Variants in RSPH14 observed in about 807,000 individuals in gnomAD.
RSPH14 encodes the protein rhabdoid tumor deletion region gene 1.
Under a neutral mutation model 26.7 loss-of-function variants are expected in RSPH14, and 20 were observed. The ratio of observed to expected loss-of-function variants is 0.75; its 90% CI spans 0.53 to 1.09. The LOEUF (loss-of-function observed/expected upper bound fraction) is 1.09, where lower values mean the gene tolerates loss of function less well. Among genes scored for constraint, RSPH14 ranks in the 50% least tolerant of loss-of-function variants. The probability of loss-of-function intolerance (pLI) is 0.00; values close to 1 mark genes in which losing one functional copy is unlikely to be tolerated. For missense variants in RSPH14, 449 were observed against 457.2 expected, an observed-to-expected ratio of 0.98 and a Z score of 0.16; for synonymous variants, 177 against 189.3, an observed-to-expected ratio of 0.93 and a Z score of 0.53.
At chr22:23,177,834 T>C in the RSPH14 span, among the ~76,000 whole-genome samples, 2 of 152,346 alleles carry the variant, frequency 1.3e-5, no homozygotes, top group East Asian at 1.9e-4. Context: ...GGTCTTGCTC[T>C]GTTACCCAGG....
Position 23,131,726 on chromosome 22 carries a change from C to T in RSPH14, c.421+2300G>A, listed in dbSNP as rs143348780. ...AATTTAGCTCAACCCAGCACTGGTCCCCCATGGATCACCCTAATACCCCAG... is the reference window on the plus strand; with the variant it reads ...AATTTAGCTCAACCCAGCACTGGTCTCCCATGGATCACCCTAATACCCCAG... On this transcript the variant is annotated intron_variant, in intron 4 of 6. Coordinates refer to ENST00000216036, the MANE Select transcript of RSPH14 (RefSeq NM_014433.3). 4.4e-6 allele frequency: 4 copies of T among 917,090 alleles called. No individual in the cohort carries two copies. In the East Asian group the frequency reaches 2.5e-4, roughly 56 times the overall value. The allele number at this position is 917,090 out of a possible 1,614,324, so 56.8% of individuals were successfully genotyped here.
intron 4 of RSPH14, among the ~76,000 whole-genome samples, chr22:23,092,552 C>T (rs1172433933): frequency 6.6e-6 from 1 of 152,166 alleles, no homozygotes; most frequent in African/African-American, 2.4e-5. Context: ...CAGACTTGGC[C>T]CTGATGCATG....
At chr22:23,069,440 G>A (rs2068285684) in intron 4 of RSPH14, among the ~76,000 whole-genome samples, 3 of 152,186 alleles carry the variant, frequency 2.0e-5, no homozygotes, top group African/African-American at 7.2e-5. Flanking sequence ...TGGAACTGAG[G>A]GACTCCTGGC....
At chr22:23,105,403 A>G (rs932996817) in intron 4 of RSPH14, among the ~76,000 whole-genome samples, 23 of 152,188 alleles carry the variant, frequency 1.5e-4, no homozygotes, top group African/African-American at 5.1e-4. Context: ...CCCCACTGGG[A>G]TCTCTCCCCA....
At chr22:23,079,066 G>A (rs956047466) in intron 4 of RSPH14, among the ~76,000 whole-genome samples, 1 of 152,222 alleles carries the variant, frequency 6.6e-6, no homozygotes, top group South Asian at 2.1e-4. Context: ...GCACCTGCTT[G>A]GTGCTAGGTC....
At chr22:23,063,087 C>T (rs368018540) in intron 5 of RSPH14, among the ~76,000 whole-genome samples, 2 of 152,238 alleles carry the variant, frequency 1.3e-5, no homozygotes, top group East Asian at 1.9e-4. Context: ...AGAGAGAGAG[C>T]TCTCTCCTGG....
chr22:23,120,574 T>C (rs1420148117), intron 4 of RSPH14, among the ~76,000 whole-genome samples: 1 of 152,046 alleles, frequency 6.6e-6, no homozygotes, highest in Non-Finnish European at 1.5e-5. Flanking sequence ...CTAAGCTGGG[T>C]ATTAAAACCA....
At chr22:23,104,910 GA>G (rs2146342529) in intron 4 of RSPH14, among the ~76,000 whole-genome samples, 1 of 152,312 alleles carries the variant, frequency 6.6e-6, no homozygotes, top group African/African-American at 2.4e-5. Flanking sequence ...TCTCAGGGGG[GA>G]CACCCAGTGT....
chr22:23,100,145 T>C lies in RSPH14; in HGVS notation c.421+33881A>G, dbSNP rs73384377. Among the ~76,000 whole-genome samples, 804 of 152,038 alleles carry C rather than the reference T, an allele frequency of 5.3e-3. 9 individuals carry two copies. The highest frequency in any genetic ancestry group is 0.017 in the African/African-American group (720 of 41,454). ...GCTCAAGGCTCAGGCTGGGGCCAAG[T>C]ATGAGGGTGAGCACAACTCTCCCAG... On this transcript the variant is annotated intron_variant, in intron 4 of 6. Coordinates refer to ENST00000216036, the MANE Select transcript of RSPH14 (RefSeq NM_014433.3).
chr22:23,078,990 C>T (rs2068593240), intron 4 of RSPH14, among the ~76,000 whole-genome samples: 1 of 152,194 alleles, frequency 6.6e-6, no homozygotes, highest in Non-Finnish European at 1.5e-5. Context: ...CCCAACTATC[C>T]CCTCCGTGAG....
chr22:23,124,213 G>GTTT, intron 4 of RSPH14: 1 of 179,642 alleles, frequency 5.6e-6, no homozygotes, highest in Non-Finnish European at 1.2e-5. Flanking sequence ...TTTGTTTTTT[G>GTTT]GTTTTTTTTT....
chr22:23,145,307 G>A, upstream of RSPH14: 3 of 1,505,668 alleles, frequency 2.0e-6, no homozygotes, highest in South Asian at 2.3e-5. Flanking sequence ...GCTCTCCAGG[G>A]TGTCCAGGAG....
chr22:23,068,396 C>T (rs765078724), intron 4 of RSPH14, among the ~76,000 whole-genome samples: 25 of 152,252 alleles, frequency 1.6e-4, no homozygotes, highest in African/African-American at 6.0e-4. Context: ...CCCTGCCCTA[C>T]AGGCAGAGGG....
intron 4 of RSPH14, among the ~76,000 whole-genome samples, chr22:23,121,744 C>G (rs991013253): frequency 7.5e-6 from 1 of 134,010 alleles, no homozygotes; most frequent in Non-Finnish European, 1.6e-5. Flanking sequence ...TTTTTTGAGA[C>G]AGAGTCTCGC....
In RSPH14 at chr22:23,094,249, G is replaced by T. The variant is rs1405592396; in HGVS notation, c.422-30116C>A. Among the ~76,000 whole-genome samples the T allele has an allele frequency of 2.0e-5, 3 of 152,126 alleles. No homozygotes were observed. In the South Asian group the frequency reaches 6.2e-4, roughly 31 times the overall value. The stretch of plus-strand genomic sequence containing the variant: ...AGAGGGGTGCGTGTGAGTTGGGTGG[G>T]GCCTGGTGCCACCCTGGGCTCACAG... On this transcript the variant is annotated intron_variant, in intron 4 of 6. Transcript: ENST00000216036.
At chr22:23,152,992 C>A in the RSPH14 span, 2 of 1,426,504 alleles carry the variant, frequency 1.4e-6, no homozygotes, top group South Asian at 2.3e-5. Context: ...GGGCACATTT[C>A]TGTGAGTACA....
At chr22:23,123,048 C>A in intron 4 of RSPH14, 1 of 1,372,344 alleles carries the variant, frequency 7.3e-7, no homozygotes, top group Non-Finnish European at 1.0e-6. Context: ...TCTCTGCCTG[C>A]TGCGGGCCTG....
intron 4 of RSPH14, among the ~76,000 whole-genome samples, chr22:23,087,040 C>T (rs1235945512): frequency 6.6e-6 from 1 of 152,124 alleles, no homozygotes; most frequent in South Asian, 2.1e-4. Flanking sequence ...CCTCATTCGG[C>T]GAGGAGGAAA....
In RSPH14 at chr22:23,140,390, G is replaced by A. The variant is rs761627584; in HGVS notation, c.31C>T (p.Pro11Ser). The change falls in exon 2 of 7, where the codon CCC (proline) becomes TCC (serine). Residue 11 changes from proline (P) to serine (S), a missense_variant. Transcript: ENST00000216036. ...ATCTGGGTGGCATTGATGTTAATGG[G>A]AAGCTCCAAGGAGTTCTGGGAATGG... MAHSQNSLELPININATQITT... is the reference protein window; with the variant it reads MAHSQNSLELSININATQITT... 3 of 1,614,186 alleles carry A rather than the reference G, an allele frequency of 1.9e-6. No homozygotes were observed. Among genetic ancestry groups the A allele is most frequent in the Non-Finnish European group, 2.5e-6 (3 of 1,180,046 alleles).
Sources: allele counts gnomAD v4.1 joint callset (sites outside exome capture counted in the v4.1 genomes callset), GRCh38; gene constraint gnomAD v4.1.1; transcripts MANE v1.5; gene names NCBI Gene and HGNC (gene_info 2026-07-23, HGNC 2026-07-21).